The following TANC2 variants were observed in gnomAD, a reference collection of about 807,000 sequenced individuals.
TANC2 encodes protein TANC2.
TANC2 carries 26 observed loss-of-function variants against 210.5 expected under a neutral mutation model. The ratio of observed to expected loss-of-function variants is 0.12; its 90% CI spans 0.09 to 0.17. The LOEUF is 0.17. Ranked by LOEUF, TANC2 falls within the 10% of genes least tolerant of loss-of-function variation. The probability of loss-of-function intolerance (pLI) is 1.00; values close to 1 mark genes in which losing one functional copy is unlikely to be tolerated. For synonymous variants in TANC2, 931 were observed against 967.1 expected, an observed-to-expected ratio of 0.96 and a Z score of 0.69; for missense variants, 2,129 against 2,608.9, an observed-to-expected ratio of 0.82 and a Z score of 4.01.
intron 3 of TANC2, chr17:63,088,756 T>G (rs1371531194): frequency 6.6e-6 from 1 of 152,198 alleles, no homozygotes; most frequent in African/African-American, 2.4e-5. Context: ...AGATCTCATG[T>G]AAGTTTTGGA....
intron 9 of TANC2, among the ~76,000 whole-genome samples, chr17:63,271,637 A>G (rs960302362): frequency 6.7e-5 from 9 of 135,274 alleles, no homozygotes; most frequent in African/African-American, 1.9e-4. Context: ...AGGCCCCAGT[A>G]TGTGATGTTC....
At chr17:63,272,858 G>A (rs1225389228) in intron 9 of TANC2, among the ~76,000 whole-genome samples, 1 of 152,142 alleles carries the variant, frequency 6.6e-6, no homozygotes, top group African/African-American at 2.4e-5. Flanking sequence ...TCCTCTGGAT[G>A]TATGTCCAAA....
chr17:63,008,032 C>G (rs557019864), intron 1 of TANC2, among the ~76,000 whole-genome samples: 5 of 122,234 alleles, frequency 4.1e-5, no homozygotes, highest in African/African-American at 1.5e-4. Flanking sequence ...TTATTTTTTG[C>G]TATTCATCAT....
At chr17:62,974,906 C>CTT (rs147160300) in intron 1 of TANC2, among the ~76,000 whole-genome samples, 4,424 of 152,236 alleles carry the variant, frequency 0.029, 76 homozygotes, top group South Asian at 0.037. Flanking sequence ...TAGTGGAAAA[C>CTT]TTGTCATTCC....
At chr17:62,998,666 G>A (rs2033230869) in intron 1 of TANC2, among the ~76,000 whole-genome samples, 1 of 152,188 alleles carries the variant, frequency 6.6e-6, no homozygotes, top group African/African-American at 2.4e-5. Context: ...CTTCATAAGT[G>A]AAGGAGAAAT....
At chr17:63,354,124 G>T (rs181264670) in intron 13 of TANC2, among the ~76,000 whole-genome samples, 18 of 152,194 alleles carry the variant, frequency 1.2e-4, no homozygotes, top group Admixed American at 5.2e-4. Flanking sequence ...AGCAAAGTCC[G>T]TGGGTAGGTA....
intron 1 of TANC2, among the ~76,000 whole-genome samples, chr17:62,974,337 G>T (rs1286897169): frequency 6.6e-6 from 1 of 152,122 alleles, no homozygotes; most frequent in East Asian, 1.9e-4. Context: ...TTGGAGAACA[G>T]CATGTAGTAG....
intron 9 of TANC2, among the ~76,000 whole-genome samples, chr17:63,302,122 T>C (rs1354141261): frequency 6.6e-6 from 1 of 152,224 alleles, no homozygotes; most frequent in Non-Finnish European, 1.5e-5. Flanking sequence ...TCTAATTTGA[T>C]TGCACTGTGG....
At chr17:63,005,878 A>T (rs1167118175) in intron 1 of TANC2, among the ~76,000 whole-genome samples, 2 of 148,864 alleles carry the variant, frequency 1.3e-5, no homozygotes, top group Non-Finnish European at 3.0e-5. Context: ...CACTAGTGAA[A>T]CCACCTGGCT....
At chr17:63,120,052 TAAA>T (rs201238687) in intron 4 of TANC2, among the ~76,000 whole-genome samples, 1 of 140,614 alleles carries the variant, frequency 7.1e-6, no homozygotes. Flanking sequence ...CTCTGTCTCA[TAAA>T]AAAAAAAAAA....
chr17:63,347,851 T>G (rs2046464668), intron 12 of TANC2, among the ~76,000 whole-genome samples: 1 of 152,216 alleles, frequency 6.6e-6, no homozygotes, highest in Non-Finnish European at 1.5e-5. Flanking sequence ...CATAGCTCAC[T>G]GCAGCCTTGA....
chr17:63,425,580 C>T (rs1007889133), exon 28 of TANC2: 1 of 152,360 alleles, frequency 6.6e-6, no homozygotes, highest in Admixed American at 6.5e-5. Context: ...CACTAGGTGT[C>T]ACTGTGGCTC....
chr17:63,208,963 C>T (rs2041803721), intron 7 of TANC2, among the ~76,000 whole-genome samples: 1 of 151,816 alleles, frequency 6.6e-6, no homozygotes. Flanking sequence ...CTTACCTATC[C>T]TTATATCATG....
At chr17:63,043,576 T>G (rs955537174) in intron 2 of TANC2, among the ~76,000 whole-genome samples, 1 of 152,174 alleles carries the variant, frequency 6.6e-6, no homozygotes, top group Non-Finnish European at 1.5e-5. Context: ...TCATGTACTT[T>G]GAACTCTTTC....
intron 6 of TANC2, among the ~76,000 whole-genome samples, chr17:63,196,140 T>C (rs536335418): frequency 2.2e-4 from 33 of 152,356 alleles, no homozygotes; most frequent in Non-Finnish European, 4.0e-4. Context: ...TTAACTGATA[T>C]TACATTACAT....
chr17:63,014,205 C>T (rs549547792), intron 2 of TANC2, among the ~76,000 whole-genome samples: 7 of 151,472 alleles, frequency 4.6e-5, no homozygotes, highest in East Asian at 1.9e-4. Context: ...CTATTTGATT[C>T]GTTAAAAATT....
rs964271028 is a variant in TANC2, at chr17:63,418,741, C to T, written c.4268+334C>T. Among the ~76,000 whole-genome samples, 8 of 152,246 alleles carry T rather than the reference C, an allele frequency of 5.3e-5. No homozygotes were observed. The highest frequency in any genetic ancestry group is 4.6e-4 in the Admixed American group (7 of 15,288). ...AGAGACAACGGCGACTTAAAGAAAT[C>T]ACTTAAGCAGAGCACCCCACCCCCG... On this transcript the variant is annotated intron_variant, in intron 27 of 27. Transcript: ENST00000689528. This position sits in a 1 kb window ranked among gnomAD's most constrained non-coding sequence, Gnocchi z 4.6.
chr17:62,994,518 G>T (rs1011303928), intron 1 of TANC2, among the ~76,000 whole-genome samples: 1 of 152,086 alleles, frequency 6.6e-6, no homozygotes, highest in Non-Finnish European at 1.5e-5. Flanking sequence ...TCAGACTGAG[G>T]ATGTTTCTTT....
intron 9 of TANC2, among the ~76,000 whole-genome samples, chr17:63,281,563 T>C (rs539932520): frequency 6.6e-6 from 1 of 152,122 alleles, no homozygotes; most frequent in African/African-American, 2.4e-5. Context: ...ATCAGCATAC[T>C]TGAACAAAAA....
Sources: allele counts gnomAD v4.1 joint callset (sites outside exome capture counted in the v4.1 genomes callset), GRCh38; gene constraint gnomAD v4.1.1; non-coding constraint Gnocchi (gnomAD v3.1); transcripts MANE v1.5; gene names NCBI Gene and HGNC (gene_info 2026-07-23, HGNC 2026-07-21).